GSG1L2: variants seen among roughly 807,000 people sequenced by gnomAD.
The protein encoded by GSG1L2 is germ cell-specific gene 1-like protein 2.
A neutral mutation model predicts 9.0 loss-of-function variants in GSG1L2; 15 were observed. The ratio of observed to expected loss-of-function variants is 1.67; its 90% CI spans 1.12 to 2.57. GSG1L2 has a LOEUF of 2.57. GSG1L2 is among the 30% of genes most tolerant of loss of function. The pLI is 0.00. For missense variants in GSG1L2, 286 were observed against 150.3 expected (o/e 1.90, Z -4.72); for synonymous variants, 127 against 57.9 (o/e 2.19, Z -5.41).
At chr17:9,816,598 GTGTC>G (rs1293282912) in intron 1 of GSG1L2, among the ~76,000 whole-genome samples, 57 of 101,568 alleles carry the variant, frequency 5.6e-4, no homozygotes, top group African/African-American at 1.9e-3. Context: ...GCGTGTCTGT[GTGTC>G]TGTGTGTGTC....
rs929000749 is a variant in GSG1L2 at position 9,802,384 on chromosome 17, G to A, written c.*2C>T. Reference sequence around the variant, plus strand: ...TGCGGATGTGGCAGCCATGGACACTGGCTAGCATATGGACACCTTGCCTGG... The same window carrying A: ...TGCGGATGTGGCAGCCATGGACACTAGCTAGCATATGGACACCTTGCCTGG... On this transcript the variant is annotated 3_prime_UTR_variant, in exon 5 of 5. Transcript: ENST00000399363. 1 of 651,590 alleles carries A rather than the reference G, an allele frequency of 1.5e-6. No homozygotes were observed. Among genetic ancestry groups the A allele is most frequent in the African/African-American group, 1.8e-5 (1 of 55,894 alleles). The allele number at this position is 651,590 out of a possible 1,614,324, so 40.4% of individuals were successfully genotyped here.
intron 1 of GSG1L2, among the ~76,000 whole-genome samples, chr17:9,816,886 G>A: frequency 6.9e-6 from 1 of 144,944 alleles, no homozygotes; most frequent in East Asian, 2.0e-4. Flanking sequence ...GTGTATCTGT[G>A]TGTGTGTATC....
At chr17:9,818,233 G>C (rs968688295) in intron 1 of GSG1L2, among the ~76,000 whole-genome samples, 4 of 152,188 alleles carry the variant, frequency 2.6e-5, no homozygotes, top group Non-Finnish European at 5.9e-5. Flanking sequence ...TCCAATCATA[G>C]CAGAGGGCAG....
At position 9,807,343 on chromosome 17, in the gene GSG1L2, C is replaced by T. The variant is rs1419200401; in HGVS notation, c.623+147G>A. On this transcript the variant is annotated intron_variant, in intron 4 of 4. Transcript: ENST00000399363. Reference sequence around the variant, plus strand: ...CTTTATCGATGAGGGAATTGGGCTACAGATGGGTCACAGAATTAACCCAAA... The same window carrying T: ...CTTTATCGATGAGGGAATTGGGCTATAGATGGGTCACAGAATTAACCCAAA... 9 of 619,678 alleles carry T rather than the reference C, an allele frequency of 1.5e-5. No individual in the cohort carries two copies. In the East Asian group the frequency reaches 2.2e-4, roughly 15 times the overall value. The allele number at this position is 619,678 out of a possible 1,614,324, so 38.4% of individuals were successfully genotyped here.
At chr17:9,803,587 T>C (rs781691372) in intron 4 of GSG1L2, among the ~76,000 whole-genome samples, 1 of 152,124 alleles carries the variant, frequency 6.6e-6, no homozygotes, top group Admixed American at 6.6e-5. Flanking sequence ...GGCTGTGTGG[T>C]GGACAAAGAA....
chr17:9,808,632 C>T (rs1432258605), intron 3 of GSG1L2, among the ~76,000 whole-genome samples, 198 bp downstream of exon 3: 3 of 152,160 alleles, frequency 2.0e-5, no homozygotes, highest in South Asian at 2.1e-4. Context: ...TGTGCCTAGC[C>T]CCTTTTCATC....
At chr17:9,816,928 G>GTGTGTGTATC (rs1567711621) in intron 1 of GSG1L2, among the ~76,000 whole-genome samples, 37 of 144,734 alleles carry the variant, frequency 2.6e-4, no homozygotes, top group African/African-American at 8.6e-4. Flanking sequence ...GTGTGTGTGT[G>GTGTGTGTATC]TGTGTGTGTG....
chr17:9,816,910 C>CTGTGTGTGTGTATCTGTGTG (rs2066569301), intron 1 of GSG1L2, among the ~76,000 whole-genome samples: 4 of 94,450 alleles, frequency 4.2e-5, no homozygotes, highest in African/African-American at 1.7e-4. Flanking sequence ...GTGTGTGTAT[C>CTGTGTGTGTGTATCTGTGTG]TGTGTGTGTG....
At chr17:9,819,816 T>G (rs1285651875) in intron 1 of GSG1L2, among the ~76,000 whole-genome samples, 1 of 151,994 alleles carries the variant, frequency 6.6e-6, no homozygotes, top group Admixed American at 6.6e-5. Context: ...GTATTTTTAG[T>G]AGAGATGGTA....
chr17:9,808,781 C>T (rs1031253563), intron 3 of GSG1L2, 49 bp downstream of exon 3: 4 of 698,644 alleles, frequency 5.7e-6, no homozygotes, highest in African/African-American at 5.2e-5. Flanking sequence ...GTCTGACACT[C>T]TGCTTTCCCT....
At chr17:9,815,251 G>A (rs1288928613) in intron 1 of GSG1L2, among the ~76,000 whole-genome samples, 1 of 152,200 alleles carries the variant, frequency 6.6e-6, no homozygotes, top group Non-Finnish European at 1.5e-5. Context: ...ATAGCTGGGT[G>A]TGGTGGCATG....
At chr17:9,821,650 T>C in intron 1 of GSG1L2, 112 bp downstream of exon 1, 1 of 650,564 alleles carries the variant, frequency 1.5e-6, no homozygotes, top group Non-Finnish European at 2.8e-6. Flanking sequence ...CCCTGCATCA[T>C]CCCGCACCTG....
At chr17:9,818,245 G>A (rs1452838867) in intron 1 of GSG1L2, among the ~76,000 whole-genome samples, 1 of 152,200 alleles carries the variant, frequency 6.6e-6, no homozygotes, top group Non-Finnish European at 1.5e-5. Flanking sequence ...AGAGGGCAGA[G>A]GGGGAATCTG....
rs935865438 is a variant in GSG1L2, at chr17:9,820,976, T to C, written c.310+786A>G. The stretch of plus-strand genomic sequence containing the variant: ...CCAGGCTGGGCCTCAGGGGCTTCAT[T>C]CTTGTTGCCTTTTACTTAGGCCTCA... On this transcript the variant is annotated intron_variant, in intron 1 of 4. Coordinates refer to ENST00000399363, the MANE Select transcript of GSG1L2 (RefSeq NM_001310219.2). The surrounding 1 kb of genome is among the most constrained non-coding windows in gnomAD (Gnocchi z 4.9). Among the ~76,000 whole-genome samples the C allele has an allele frequency of 6.6e-6, 1 of 152,198 alleles. No homozygotes were observed. Among genetic ancestry groups the C allele is most frequent in the Non-Finnish European group, 1.5e-5 (1 of 68,028 alleles).
chr17:9,802,467 A>G lies in GSG1L2; in HGVS notation c.801T>C (p.Ala267=), dbSNP rs1287790506. ...ASESIWKTGA[A]PCPAEQAFRN... is the part of the protein sequence containing the mutation. ...TGAAGGCTTGTTCAGCAGGGCAAGG[A>G]GCAGCTCCTGTTTTCCAAATGCTCT... is the stretch of plus-strand genomic sequence containing the variant. Residue 267 remains alanine (A), a synonymous_variant, in exon 5 of 5, where the codon GCT becomes GCC. Transcript: ENST00000399363. The G allele has an allele frequency of 1.4e-6, 1 of 702,268 alleles. No individual in the cohort carries two copies. The highest frequency in any genetic ancestry group is 2.7e-5 in the East Asian group (1 of 37,260). The allele number at this position is 702,268 out of a possible 1,614,324, so 43.5% of individuals were successfully genotyped here. A position where few individuals can be genotyped will look rare whatever the true frequency, so the allele number is the denominator to read the frequency against.
intron 1 of GSG1L2, among the ~76,000 whole-genome samples, chr17:9,816,616 G>GCA (rs2066564228): frequency 1.0e-5 from 1 of 99,772 alleles, no homozygotes; most frequent in Non-Finnish European, 2.0e-5. Flanking sequence ...GTGTGTCTGT[G>GCA]TGTCTGTTTT....
chr17:9,819,785 A>G (rs1443298169), intron 1 of GSG1L2, among the ~76,000 whole-genome samples: 1 of 151,956 alleles, frequency 6.6e-6, no homozygotes, highest in Non-Finnish European at 1.5e-5. Context: ...GGCACACATC[A>G]CCACGCCCAG....
intron 1 of GSG1L2, 126 bp from the exon 2 acceptor site, chr17:9,810,744 A>T (rs772544570): frequency 4.5e-6 from 3 of 660,356 alleles, no homozygotes; most frequent in Non-Finnish European, 5.5e-6. Flanking sequence ...CTGCTCAGGG[A>T]CATGAGCTGC....
chr17:9,807,314 C>G, intron 4 of GSG1L2, 176 bp downstream of exon 4: 2 of 583,962 alleles, frequency 3.4e-6, no homozygotes, highest in Non-Finnish European at 6.1e-6. Flanking sequence ...GGCAGGTATC[C>G]TCACTTTATC....
Sources: allele counts gnomAD v4.1 joint callset (sites outside exome capture counted in the v4.1 genomes callset), GRCh38; gene constraint gnomAD v4.1.1; non-coding constraint Gnocchi (gnomAD v3.1); transcripts MANE v1.5; gene names NCBI Gene and HGNC (gene_info 2026-07-23, HGNC 2026-07-21).